PAK4: variants seen among roughly 807,000 people sequenced by gnomAD.
PAK4 encodes the protein serine/threonine-protein kinase PAK 4.
PAK4 carries 49 observed loss-of-function variants against 53.5 expected under a neutral mutation model. The observed-to-expected ratio is 0.92, with a 90% CI of 0.73 to 1.16. The LOEUF is 1.16. Ranked by LOEUF, PAK4 falls within the 50% of genes most tolerant of loss-of-function variation. The pLI is 0.00. For synonymous variants in PAK4, 376 were observed against 375.6 expected (o/e 1.00, Z -0.01); for missense variants, 824 against 850.7 (o/e 0.97, Z 0.39).
intron 1 of PAK4, among the ~76,000 whole-genome samples, chr19:39,127,813 C>G (rs902782519): frequency 7.2e-5 from 11 of 152,188 alleles, no homozygotes; most frequent in African/African-American, 2.7e-4. Context: ...AGTCCCTTTC[C>G]CCTGGGAAGG....
intron 1 of PAK4, among the ~76,000 whole-genome samples, chr19:39,142,637 C>G (rs550267688): frequency 3.9e-5 from 6 of 152,320 alleles, no homozygotes; most frequent in South Asian, 2.1e-4. Flanking sequence ...ATGTGGGCCT[C>G]TGGTTCCTGC....
chr19:39,129,330 C>G (rs1456638994), intron 1 of PAK4, among the ~76,000 whole-genome samples: 5 of 151,962 alleles, frequency 3.3e-5, no homozygotes, highest in Admixed American at 2.6e-4. Flanking sequence ...GTTGCCTGTT[C>G]ACCTGTTGAT....
intron 2 of PAK4, among the ~76,000 whole-genome samples, chr19:39,171,160 C>T (rs567000369): frequency 2.6e-5 from 4 of 152,084 alleles, no homozygotes; most frequent in African/African-American, 9.6e-5. Flanking sequence ...GTGTTTGCTG[C>T]CCTTGACCGG....
rs1032790827 is a variant in PAK4 at position 39,178,007 on chromosome 19, C to T, written c.1620+198C>T. 1.3e-5 allele frequency among the ~76,000 whole-genome samples: 2 copies of T among 152,076 alleles called. No individual in the cohort carries two copies. The highest frequency in any genetic ancestry group is 4.8e-5 in the African/African-American group (2 of 41,406). On this transcript the variant is annotated intron_variant, in intron 8 of 8. Coordinates refer to ENST00000358301, the Ensembl canonical transcript of PAK4. This position sits in a 1 kb window ranked among gnomAD's most constrained non-coding sequence, Gnocchi z 4.4. Reference sequence around the variant, plus strand: ...GGCCTGGGCGACAGAGGCAGCAGAGCCACAGGCCCTCTGCACCCTCACCAT... The same window carrying T: ...GGCCTGGGCGACAGAGGCAGCAGAGTCACAGGCCCTCTGCACCCTCACCAT...
In PAK4 at chr19:39,174,857, G is replaced by T. The variant is rs2074568770; in HGVS notation, c.1099-74G>T. On this transcript the variant is annotated intron_variant, in intron 4 of 8. Coordinates refer to ENST00000358301, the Ensembl canonical transcript of PAK4. ...AATGTGGAACTGCAGGGGGAGCCAG[G>T]GGGGTGGCGGTGGCTGGGTCTGGCA... is the stretch of plus-strand genomic sequence containing the variant. 5 of 1,572,274 alleles carry T rather than the reference G, an allele frequency of 3.2e-6. No individual in the cohort carries two copies. In the African/African-American group the frequency reaches 6.7e-5, roughly 21 times the overall value.
chr19:39,128,165 G>A (rs1204665793), intron 1 of PAK4, among the ~76,000 whole-genome samples: 2 of 152,176 alleles, frequency 1.3e-5, no homozygotes, highest in African/African-American at 2.4e-5. Flanking sequence ...CTGCAAGATG[G>A]GCATAGTGTT....
At chr19:39,177,861 C>T (rs781025281) in intron 8 of PAK4, 52 bp downstream of exon 9, 3 of 1,571,814 alleles carry the variant, frequency 1.9e-6, no homozygotes, top group South Asian at 1.2e-5. Flanking sequence ...GGTGGCAGGG[C>T]TCCAGGTGGA....
chr19:39,144,452 G>C (rs2073967410), intron 1 of PAK4, among the ~76,000 whole-genome samples: 1 of 152,240 alleles, frequency 6.6e-6, no homozygotes, highest in Non-Finnish European at 1.5e-5. Flanking sequence ...AGCCGTCCCT[G>C]CCGGGGGGAT....
At position 39,175,635 on chromosome 19, in the gene PAK4, G is replaced by A. The variant is rs1369478583; in HGVS notation, c.1359+197G>A. ...CAGTGGGGACTCTGTGCAGTGGGAG[G>A]GCACAGGCTGGCGGGGGCTCTGCCA... is the stretch of plus-strand genomic sequence containing the variant. On this transcript the variant is annotated intron_variant, in intron 6 of 8. Transcript: ENST00000358301. The surrounding 1 kb of genome is among the most constrained non-coding windows in gnomAD (Gnocchi z 4.7). Among the ~76,000 whole-genome samples the A allele has an allele frequency of 6.6e-6, 1 of 152,170 alleles. No homozygotes were observed. Among genetic ancestry groups the A allele is most frequent in the Non-Finnish European group, 1.5e-5 (1 of 68,024 alleles).
chr19:39,169,534 C>T (rs376621337), exon 2 of PAK4: 141 of 1,608,536 alleles, frequency 8.8e-5, no homozygotes, highest in Non-Finnish European at 1.1e-4. Flanking sequence ...TCCCGCAGGC[C>T]GCACCGAGTC....
downstream of PAK4, chr19:39,181,144 A>C (rs117191961): frequency 5.5e-3 from 844 of 152,310 alleles, 5 homozygotes; most frequent in South Asian, 0.018. Flanking sequence ...AGATGTTGCT[A>C]TGTTGCCTAG....
intron 1 of PAK4, among the ~76,000 whole-genome samples, chr19:39,165,203 T>TAATAATAATAATAAA (rs2074351264): frequency 6.7e-6 from 1 of 148,286 alleles, no homozygotes; most frequent in African/African-American, 2.5e-5. Context: ...ATGATAATAA[T>TAATAATAATAATAAA]AATAATAATA....
At chr19:39,152,270 C>G (rs558728109) in intron 1 of PAK4, 1 of 152,114 alleles carries the variant, frequency 6.6e-6, no homozygotes, top group East Asian at 1.9e-4. Context: ...CTGTCCCGCC[C>G]GGGACGTGAA....
chr19:39,142,761 T>C (rs775844006), intron 1 of PAK4, among the ~76,000 whole-genome samples: 43 of 152,234 alleles, frequency 2.8e-4, no homozygotes, highest in Non-Finnish European at 5.1e-4. Context: ...ACCCCAGCTC[T>C]ACCCTTGGCT....
chr19:39,164,438 G>T (rs2074336855), intron 1 of PAK4, among the ~76,000 whole-genome samples: 1 of 152,148 alleles, frequency 6.6e-6, no homozygotes, highest in Non-Finnish European at 1.5e-5. Flanking sequence ...AGGGAAGGTG[G>T]GAGATCAGTG....
intron 1 of PAK4, among the ~76,000 whole-genome samples, chr19:39,140,941 A>G (rs1433197559): frequency 6.6e-6 from 1 of 152,196 alleles, no homozygotes; most frequent in Non-Finnish European, 1.5e-5. Flanking sequence ...CATTCTGGTT[A>G]CTAGTACTCT....
At chr19:39,131,307 G>A (rs1182593072) in intron 1 of PAK4, among the ~76,000 whole-genome samples, 1 of 152,122 alleles carries the variant, frequency 6.6e-6, no homozygotes, top group Non-Finnish European at 1.5e-5. Context: ...GTTCCCCCTG[G>A]GTAGTTTCTG....
At chr19:39,130,024 A>G (rs571940682) in intron 1 of PAK4, among the ~76,000 whole-genome samples, 1 of 148,064 alleles carries the variant, frequency 6.8e-6, no homozygotes, top group Admixed American at 6.8e-5. Flanking sequence ...TGCTGTCCCC[A>G]GACGGTGACA....
rs886680660 is a variant in PAK4 at position 39,145,815 on chromosome 19, C to A, written c.-23+19896C>A. ...CGCCCGCCCACTGCCCACCCTCACC[C>A]GCCCTGTTTGCCAGGCTCACACAGC... On this transcript the variant is annotated intron_variant, in intron 1 of 8. Transcript: ENST00000358301. 2.6e-5 allele frequency among the ~76,000 whole-genome samples: 4 copies of A among 152,282 alleles called. No individual in the cohort carries two copies. In the East Asian group the frequency reaches 7.8e-4, roughly 30 times the overall value.
Sources: allele counts gnomAD v4.1 joint callset (sites outside exome capture counted in the v4.1 genomes callset), GRCh38; gene constraint gnomAD v4.1.1; non-coding constraint Gnocchi (gnomAD v3.1); transcripts MANE v1.5; gene names NCBI Gene and HGNC (gene_info 2026-07-23, HGNC 2026-07-21).